Variants in PRICKLE2 observed in about 807,000 individuals in gnomAD.
The protein encoded by PRICKLE2 is prickle-like protein 2.
PRICKLE2 carries 21 observed loss-of-function variants against 81.4 expected under a neutral mutation model. The ratio of observed to expected loss-of-function variants is 0.26; its 90% CI spans 0.18 to 0.37. PRICKLE2 has a LOEUF of 0.37. PRICKLE2 is among the 10% of genes least tolerant of loss of function. The pLI is 1.00. For synonymous variants in PRICKLE2, 456 were observed against 421.5 expected (o/e 1.08, Z -1.00); for missense variants, 940 against 1,109.0 (o/e 0.85, Z 2.16).
intron 2 of PRICKLE2, among the ~76,000 whole-genome samples, chr3:64,179,099 T>C (rs578246047): frequency 9.2e-5 from 14 of 151,696 alleles, no homozygotes; most frequent in Middle Eastern, 3.4e-3. Flanking sequence ...TCTTTCAGAC[T>C]GAGTTTCGCT....
At chr3:64,182,087 T>A (rs1418923141) in intron 2 of PRICKLE2, among the ~76,000 whole-genome samples, 1 of 151,848 alleles carries the variant, frequency 6.6e-6, no homozygotes, top group Admixed American at 6.6e-5. Context: ...GGTCTGAATT[T>A]GTACCCCCAA....
chr3:64,147,581 C>A lies in PRICKLE2; in HGVS notation c.909G>T (p.Gln303His). 1 of 1,614,250 alleles carries A rather than the reference C, an allele frequency of 6.2e-7. No homozygotes were observed. Among genetic ancestry groups the A allele is most frequent in the East Asian group, 2.2e-5 (1 of 44,878 alleles). ...LGRPFLPKQG[Q>H]IFCSRACSAG... ...CACTGCAGGCCCGTGAGCAGAATAT[C>A]TGGCCCTGCTTCGGGAGGAATGGCC... The change falls in exon 7 of 8, where the codon CAG (glutamine) becomes CAT (histidine). Residue 303 changes from glutamine (Q) to histidine (H), a missense_variant. Physicochemically the swap from Gln to His is conservative, Grantham distance 24. Around this residue, in one of 2 missense-constraint regions of PRICKLE2, gnomAD observed 670 missense variants for 717.2 expected, o/e 0.93. Transcript: ENST00000638394. The surrounding 1 kb of genome is among the most constrained non-coding windows in gnomAD (Gnocchi z 5.0).
intron 7 of PRICKLE2, among the ~76,000 whole-genome samples, chr3:64,136,667 G>T (rs9814068): frequency 0.048 from 7,340 of 151,954 alleles, 571 homozygotes; most frequent in African/African-American, 0.16. Context: ...GGTGATGGTC[G>T]GTGCAGAATC....
intron 2 of PRICKLE2, among the ~76,000 whole-genome samples, chr3:64,197,107 T>G (rs2078469527): frequency 1.3e-5 from 2 of 152,208 alleles, no homozygotes; most frequent in Admixed American, 1.3e-4. Context: ...AAGTTATGAG[T>G]GAATTCTTGG....
At chr3:64,254,813 G>A (rs190753287) in intron 2 of PRICKLE2, among the ~76,000 whole-genome samples, 3 of 152,264 alleles carry the variant, frequency 2.0e-5, no homozygotes, top group Admixed American at 2.0e-4. Context: ...AAATAGTACA[G>A]TTGAAAATGA....
intron 7 of PRICKLE2, among the ~76,000 whole-genome samples, chr3:64,126,376 A>G (rs2077107333): frequency 6.6e-6 from 1 of 152,218 alleles, no homozygotes; most frequent in African/African-American, 2.4e-5. Context: ...CACGGCAGGT[A>G]GTTTCAAATC....
chr3:64,102,075 T>A (rs1199000911), intron 7 of PRICKLE2: 2 of 152,148 alleles, frequency 1.3e-5, no homozygotes, highest in Non-Finnish European at 2.9e-5. Flanking sequence ...ATTAGACAGA[T>A]GCCAAAAGGA....
chr3:64,127,377 C>T (rs2077124642), intron 7 of PRICKLE2, among the ~76,000 whole-genome samples: 1 of 152,164 alleles, frequency 6.6e-6, no homozygotes, highest in Non-Finnish European at 1.5e-5. Flanking sequence ...CAACGCTGGT[C>T]CTCTGTAAGT....
At chr3:64,170,390 C>T (rs1265311660) in intron 2 of PRICKLE2, among the ~76,000 whole-genome samples, 3 of 152,192 alleles carry the variant, frequency 2.0e-5, no homozygotes, top group Non-Finnish European at 4.4e-5. Context: ...AGAATCCAGT[C>T]ATTTTCCACC....
At chr3:64,150,087 C>T (rs1469654491) in intron 6 of PRICKLE2, among the ~76,000 whole-genome samples, 1 of 151,068 alleles carries the variant, frequency 6.6e-6, no homozygotes, top group African/African-American at 2.4e-5. Flanking sequence ...ACCCCGAGCG[C>T]CGTGGACACT....
chr3:64,117,736 T>C (rs544372485), intron 7 of PRICKLE2, among the ~76,000 whole-genome samples: 1 of 152,268 alleles, frequency 6.6e-6, no homozygotes, highest in South Asian at 2.1e-4. Flanking sequence ...TCCATGCTCA[T>C]TGACAGGAAG....
intron 2 of PRICKLE2, among the ~76,000 whole-genome samples, chr3:64,241,930 G>T (rs1174807981): frequency 6.6e-6 from 1 of 152,148 alleles, no homozygotes; most frequent in East Asian, 1.9e-4. Context: ...AAATTAAAAT[G>T]GATAATAGTC....
At chr3:64,188,316 T>C (rs1176313979) in intron 2 of PRICKLE2, among the ~76,000 whole-genome samples, 1 of 152,124 alleles carries the variant, frequency 6.6e-6, no homozygotes, top group Non-Finnish European at 1.5e-5. Context: ...GGTTACAGAG[T>C]TAAGTGATGG....
rs988023258 is a variant in PRICKLE2 at position 64,183,061 on chromosome 3, T to C, written c.144+15723A>G. On this transcript the variant is annotated intron_variant, in intron 2 of 7. Coordinates refer to ENST00000638394, the MANE Select transcript of PRICKLE2 (RefSeq NM_198859.4). ...TAATAGGAATGCAATATCTATCATG[T>C]GCTGCTTGCAGAGTCCCACTTAAAA... Among the ~76,000 whole-genome samples the C allele has an allele frequency of 2.6e-5, 4 of 152,182 alleles. No individual in the cohort carries two copies. In the South Asian group the frequency reaches 6.2e-4, roughly 24 times the overall value.
At position 64,157,223 on chromosome 3, in the gene PRICKLE2, T is replaced by G. The variant is rs1448578229; in HGVS notation, c.539A>C (p.Lys180Thr). The G allele has an allele frequency of 6.2e-7, 1 of 1,614,202 alleles. No individual in the cohort carries two copies. Residue 180 changes from lysine (K) to threonine (T), a missense_variant, in exon 5 of 8, where the codon AAG (lysine) becomes ACG (threonine). By Grantham distance (78) the Lys-to-Thr change is moderately conservative. Around this residue, in one of 2 missense-constraint regions of PRICKLE2, gnomAD observed 270 missense variants for 391.8 expected, o/e 0.69. Coordinates refer to ENST00000638394, the MANE Select transcript of PRICKLE2 (RefSeq NM_198859.4). ...AGCATGGTGCCTGCCACAGTATATCTTCCCATCTTGGTAAAAGTAGATCAG... is the reference window on the plus strand; with the variant it reads ...AGCATGGTGCCTGCCACAGTATATCGTCCCATCTTGGTAAAAGTAGATCAG... ...VDLIYFYQDG[K>T]IYCGRHHAEC...
intron 1 of PRICKLE2, among the ~76,000 whole-genome samples, chr3:64,213,624 G>A (rs2078827421): frequency 1.3e-5 from 2 of 152,142 alleles, no homozygotes; most frequent in Admixed American, 1.3e-4. Context: ...GGAACCCCAA[G>A]TTTACTCATT....
In PRICKLE2 at chr3:64,147,418, G is replaced by A. The variant is rs2077474975; in HGVS notation, c.1072C>T (p.Leu358=). Residue 358 remains leucine, a synonymous_variant, in exon 7 of 8, where the codon CTG becomes TTG. Transcript: ENST00000638394. The surrounding 1 kb of genome is among the most constrained non-coding windows in gnomAD (Gnocchi z 5.0). Reference sequence around the variant, plus strand: ...GACAGCCGGTTAGAACTCACTTGCAGCTGGCTGTGCTGGTTCAGCATGGGC... The same window carrying A: ...GACAGCCGGTTAGAACTCACTTGCAACTGGCTGTGCTGGTTCAGCATGGGC... ...EEPMLNQHSQ[L]QVSSNRLSAD... is the part of the protein sequence containing the mutation. 1 of 1,614,278 alleles carries A rather than the reference G, an allele frequency of 6.2e-7. No homozygotes were observed. The highest frequency in any genetic ancestry group is 1.1e-5 in the South Asian group (1 of 91,090).
chr3:64,240,642 C>T (rs1279738807), intron 2 of PRICKLE2, among the ~76,000 whole-genome samples: 1 of 152,148 alleles, frequency 6.6e-6, no homozygotes, highest in Non-Finnish European at 1.5e-5. Flanking sequence ...TTTCAGATCT[C>T]CCCCACAGCA....
intron 2 of PRICKLE2, among the ~76,000 whole-genome samples, chr3:64,245,964 A>T (rs1187132909): frequency 1.3e-5 from 2 of 152,128 alleles, no homozygotes; most frequent in South Asian, 2.1e-4. Context: ...TTTAAAAACC[A>T]CTGGGTGTGG....
Sources: allele counts gnomAD v4.1 joint callset (sites outside exome capture counted in the v4.1 genomes callset), GRCh38; gene constraint gnomAD v4.1.1; regional missense constraint gnomAD v4.1.1; non-coding constraint Gnocchi (gnomAD v3.1); transcripts MANE v1.5; gene names NCBI Gene and HGNC (gene_info 2026-07-23, HGNC 2026-07-21).